Variants in TLN2 observed in about 807,000 individuals in gnomAD.
The protein encoded by TLN2 is talin-2.
Under a neutral mutation model 294.7 loss-of-function variants are expected in TLN2, and 118 were observed. That is an observed-to-expected ratio of 0.40 (90% CI 0.34 to 0.47). TLN2 has a LOEUF of 0.47. Ranked by LOEUF, TLN2 falls within the 20% of genes least tolerant of loss-of-function variation. The pLI, the probability that TLN2 is intolerant of heterozygous loss-of-function variation, is 0.84. For missense variants in TLN2, 3,083 were observed against 3,282.2 expected (o/e 0.94, Z 1.48); for synonymous variants, 1,431 against 1,304.5 (o/e 1.10, Z -2.09).
intron 1 of TLN2, among the ~76,000 whole-genome samples, chr15:62,560,550 C>G (rs559034060): frequency 3.6e-4 from 55 of 152,318 alleles, no homozygotes; most frequent in Non-Finnish European, 6.3e-4. Flanking sequence ...TGGTCTCGAA[C>G]TCTTGACCTC....
Position 62,708,770 on chromosome 15 carries a change from G to T in TLN2, c.2441G>T (p.Ser814Ile). 6.2e-7 allele frequency: 1 copy of T among 1,605,474 alleles called. No homozygotes were observed. The highest frequency in any genetic ancestry group is 8.5e-7 in the Non-Finnish European group (1 of 1,179,830). The change falls in exon 21 of 59, where the codon AGC (serine) becomes ATC (isoleucine). Residue 814 changes from serine (S) to isoleucine (I), a missense_variant. Coordinates refer to ENST00000636159, the MANE Select transcript of TLN2 (RefSeq NM_015059.3). ...ATDTIMCVTE[S>I]IFSSMGDAGE... ...GACACCATCATGTGTGTCACCGAGA[G>T]CATCTTCAGCTCCATGGGTGACGCT...
chr15:62,504,475 A>C (rs2039474830), intron 1 of TLN2, among the ~76,000 whole-genome samples: 1 of 152,230 alleles, frequency 6.6e-6, no homozygotes, highest in African/African-American at 2.4e-5. Flanking sequence ...GTGTAAAAGC[A>C]GCCATATTAG....
chr15:62,841,402 C>T lies in TLN2; in HGVS notation c.*792C>T, dbSNP rs2070686297. On this transcript the variant is annotated 3_prime_UTR_variant, in exon 59 of 59. Coordinates refer to ENST00000636159, the MANE Select transcript of TLN2 (RefSeq NM_015059.3). ...GAGTCATCCACACAAACCCACGGCT[C>T]CCAGTTGACAGTCAGTGGAATGCTC... 1 of 152,212 alleles carries T rather than the reference C, an allele frequency of 6.6e-6. No homozygotes were observed. Among genetic ancestry groups the T allele is most frequent in the Non-Finnish European group, 1.5e-5 (1 of 68,072 alleles). 9.4% of individuals were successfully genotyped at this position (152,212 alleles called of 1,614,324 possible). A position where few individuals can be genotyped will look rare whatever the true frequency, so the allele number is the denominator to read the frequency against.
intron 1 of TLN2, among the ~76,000 whole-genome samples, chr15:62,484,584 C>A (rs2038284842): frequency 1.3e-5 from 2 of 152,100 alleles, no homozygotes; most frequent in African/African-American, 2.4e-5. Context: ...TACCACCACG[C>A]CCGGCTAATT....
intron 2 of TLN2, among the ~76,000 whole-genome samples, chr15:62,607,395 A>C (rs1041784617): frequency 6.6e-6 from 1 of 152,190 alleles, no homozygotes; most frequent in African/African-American, 2.4e-5. Flanking sequence ...TTAAGCTAAA[A>C]GAGCTTTATT....
Position 62,807,003 on chromosome 15 carries a change from G to A in TLN2, c.6663+1218G>A, listed in dbSNP as rs147839832. Among the ~76,000 whole-genome samples the A allele has an allele frequency of 1.1e-3, 164 of 152,286 alleles. 1 individual carries two copies. Among genetic ancestry groups the A allele is most frequent in the African/African-American group, 3.8e-3 (157 of 41,566 alleles). ...TGTGTGCAAGGGCCTGGCCCTGGGA[G>A]ACAGTACCACATTTATGGGACCCCT... On this transcript the variant is annotated intron_variant, in intron 51 of 58. Transcript: ENST00000636159.
intron 2 of TLN2, among the ~76,000 whole-genome samples, chr15:62,592,942 A>G (rs2046197856): frequency 6.6e-6 from 1 of 152,246 alleles, no homozygotes; most frequent in South Asian, 2.1e-4. Context: ...GATTAAATGC[A>G]ATATTCTGAC....
chr15:62,644,711 GCT>G (rs1369371104), intron 3 of TLN2: 4 of 398,792 alleles, frequency 1.0e-5, no homozygotes, highest in African/African-American at 8.4e-5. Context: ...CCCTTTTGGT[GCT>G]TTCTCCTTGC....
At chr15:62,458,171 G>T (rs1471272026) in intron 1 of TLN2, among the ~76,000 whole-genome samples, 1 of 152,068 alleles carries the variant, frequency 6.6e-6, no homozygotes, top group African/African-American at 2.4e-5. Context: ...TGGGCATCTC[G>T]TTGGTGGGAG....
intron 1 of TLN2, among the ~76,000 whole-genome samples, chr15:62,430,121 C>T (rs1421553232): frequency 1.3e-5 from 2 of 152,166 alleles, no homozygotes; most frequent in Non-Finnish European, 2.9e-5. Context: ...AAAATTAGGT[C>T]TTTGTGGCTG....
At chr15:62,453,963 C>T (rs962101232) in intron 1 of TLN2, among the ~76,000 whole-genome samples, 3 of 152,148 alleles carry the variant, frequency 2.0e-5, no homozygotes, top group Admixed American at 6.5e-5. Flanking sequence ...CTATTGTCCA[C>T]GGGCCAGGCC....
chr15:62,829,625 C>G (rs1405052955), intron 54 of TLN2: 1 of 152,138 alleles, frequency 6.6e-6, no homozygotes. Context: ...TCCATCCTCT[C>G]AAGCATTTAT....
At chr15:62,783,086 T>G (rs1280789525) in intron 44 of TLN2, among the ~76,000 whole-genome samples, 1 of 152,230 alleles carries the variant, frequency 6.6e-6, no homozygotes, top group Non-Finnish European at 1.5e-5. Flanking sequence ...AGTATCTTCA[T>G]AATAAAGGCA....
At chr15:62,400,542 A>G (rs462670) in intron 1 of TLN2, among the ~76,000 whole-genome samples, 103,062 of 152,116 alleles carry the variant, frequency 0.68, 35,493 homozygotes, top group East Asian at 0.82. Context: ...ATAGTCTATA[A>G]TGAATTCTCT....
intron 22 of TLN2, among the ~76,000 whole-genome samples, chr15:62,713,897 C>CATAT (rs34783254): frequency 0.36 from 42,813 of 119,130 alleles, 8,116 homozygotes; most frequent in East Asian, 0.63. Flanking sequence ...TTCTTTAAGC[C>CATAT]ATATATATAT....
chr15:62,783,520 G>A (rs1283094241), intron 44 of TLN2, among the ~76,000 whole-genome samples: 3 of 152,242 alleles, frequency 2.0e-5, no homozygotes, highest in South Asian at 2.1e-4. Flanking sequence ...CACTGGGCCC[G>A]GCCAGAATCT....
intron 1 of TLN2, among the ~76,000 whole-genome samples, chr15:62,559,261 C>T (rs1167443150): frequency 3.9e-5 from 6 of 152,132 alleles, no homozygotes; most frequent in Non-Finnish European, 2.9e-5. Flanking sequence ...AAAATTGAGG[C>T]GGGAGAGCTT....
chr15:62,591,190 TG>T (rs1320544622), intron 2 of TLN2, among the ~76,000 whole-genome samples: 6 of 152,208 alleles, frequency 3.9e-5, no homozygotes, highest in Non-Finnish European at 8.8e-5. Flanking sequence ...TTCCTAAATT[TG>T]TCTTTAGATT....
intron 11 of TLN2, among the ~76,000 whole-genome samples, chr15:62,677,063 C>T (rs538131565): frequency 3.1e-3 from 479 of 152,296 alleles, no homozygotes; most frequent in Non-Finnish European, 4.1e-3. Context: ...CTGCCTTAGC[C>T]GGAGTGACCC....
Sources: gnomAD v4.1 joint callset for allele counts (sites outside exome capture counted in the v4.1 genomes callset) on GRCh38, gnomAD v4.1.1 for gene constraint, MANE v1.5 for transcripts, NCBI Gene and HGNC (gene_info 2026-07-23, HGNC 2026-07-21) for gene names.